CDH4: variants seen among roughly 807,000 people sequenced by gnomAD.
The protein encoded by CDH4 is cadherin-4.
Under a neutral mutation model 86.0 loss-of-function variants are expected in CDH4, and 33 were observed. That is an observed-to-expected ratio of 0.38 (90% CI 0.29 to 0.51). The LOEUF is 0.51. Ranked by LOEUF, CDH4 falls within the 20% of genes least tolerant of loss-of-function variation. The pLI, the probability that CDH4 is intolerant of heterozygous loss-of-function variation, is 0.86. For synonymous variants in CDH4, 555 were observed against 549.4 expected (o/e 1.01, Z -0.14); for missense variants, 1,114 against 1,307.4 (o/e 0.85, Z 2.28).
At chr20:61,284,374 G>A (rs142286884) in intron 2 of CDH4, among the ~76,000 whole-genome samples, 26 of 152,224 alleles carry the variant, frequency 1.7e-4, no homozygotes, top group Non-Finnish European at 3.4e-4. Context: ...TTGTGTTTGC[G>A]TTTTCTACTG....
At chr20:61,360,167 G>C (rs1250052481) in intron 2 of CDH4, among the ~76,000 whole-genome samples, 1 of 152,140 alleles carries the variant, frequency 6.6e-6, no homozygotes, top group African/African-American at 2.4e-5. Flanking sequence ...CAGGTTTGTC[G>C]GGCAGAGCCA....
intron 2 of CDH4, among the ~76,000 whole-genome samples, chr20:61,655,535 G>A (rs2087178110): frequency 6.6e-6 from 1 of 152,220 alleles, no homozygotes; most frequent in Non-Finnish European, 1.5e-5. Context: ...TCTCTCTCTG[G>A]GATGAAAGCC....
At chr20:61,823,895 A>G (rs894426994) in intron 4 of CDH4, among the ~76,000 whole-genome samples, 1 of 152,238 alleles carries the variant, frequency 6.6e-6, no homozygotes, top group African/African-American at 2.4e-5. Flanking sequence ...TAGTAAAACC[A>G]TGTAGTGGGG....
At chr20:61,750,058 CA>C (rs894983182) in intron 3 of CDH4, among the ~76,000 whole-genome samples, 8 of 148,536 alleles carry the variant, frequency 5.4e-5, no homozygotes, top group East Asian at 2.0e-4. Context: ...AAGACCCTAT[CA>C]AAAAAAAAGG....
At chr20:61,315,987 C>A (rs1384324537) in intron 2 of CDH4, among the ~76,000 whole-genome samples, 1 of 152,160 alleles carries the variant, frequency 6.6e-6, no homozygotes, top group East Asian at 1.9e-4. Context: ...AGGGAACAGG[C>A]GATTTCCACA....
intron 2 of CDH4, among the ~76,000 whole-genome samples, chr20:61,304,272 A>AC (rs2084402434): frequency 7.9e-6 from 1 of 126,006 alleles, no homozygotes; most frequent in African/African-American, 2.6e-5. Context: ...CACCCCCCCA[A>AC]CCCCCCGTTC....
In CDH4 at chr20:61,581,607, C is replaced by T. The variant is rs542685255; in HGVS notation, c.170-161956C>T. 1.5e-4 allele frequency among the ~76,000 whole-genome samples: 23 copies of T among 152,288 alleles called. No individual in the cohort carries two copies. The South Asian group carries it at 4.6e-3, about 30-fold the overall frequency. On this transcript the variant is annotated intron_variant, in intron 2 of 15. Coordinates refer to ENST00000614565, the MANE Select transcript of CDH4 (RefSeq NM_001794.5). ...TGTGTGCTCCGAAGTCACACCTCCT[C>T]CTCGGACCCGCCCTGCTTCCTCCCT...
At chr20:61,520,019 G>C (rs2085857219) in intron 2 of CDH4, among the ~76,000 whole-genome samples, 2 of 152,204 alleles carry the variant, frequency 1.3e-5, no homozygotes, top group African/African-American at 2.4e-5. Flanking sequence ...CTGACACACA[G>C]ACTTGCGTGT....
chr20:61,364,523 T>C (rs1482813529), intron 2 of CDH4, among the ~76,000 whole-genome samples: 2 of 152,218 alleles, frequency 1.3e-5, no homozygotes, highest in African/African-American at 4.8e-5. Context: ...TGGGCTTGTC[T>C]CTGTTCCGCA....
chr20:61,498,067 G>T (rs2085675068), intron 2 of CDH4, among the ~76,000 whole-genome samples: 1 of 113,360 alleles, frequency 8.8e-6, no homozygotes, highest in African/African-American at 3.8e-5. Context: ...TGGGGTGGGG[G>T]GAGGGGGGAG....
chr20:61,654,975 G>A (rs890690413), intron 2 of CDH4, among the ~76,000 whole-genome samples: 36 of 152,248 alleles, frequency 2.4e-4, no homozygotes, highest in Non-Finnish European at 4.4e-4. Context: ...ATGGAAACGC[G>A]TCTGCGGAGT....
intron 2 of CDH4, among the ~76,000 whole-genome samples, chr20:61,499,125 C>G (rs1362038506): frequency 6.6e-6 from 1 of 152,196 alleles, no homozygotes; most frequent in Admixed American, 6.5e-5. Flanking sequence ...ACACCCAGGT[C>G]CCTCCTGAGC....
At position 61,546,076 on chromosome 20, in the gene CDH4, T is replaced by TTGTGGGATACAGTGTG. The variant is rs1287581021; in HGVS notation, c.170-197484_170-197483insGGGATACAGTGTGTGT. On this transcript the variant is annotated intron_variant, in intron 2 of 15. Coordinates refer to ENST00000614565, the MANE Select transcript of CDH4 (RefSeq NM_001794.5). ...CTGTCTGTGCATGTGTGGAGGGGGT[T>TTGTGGGATACAGTGTG]TGTTCACACGTGTGTGTGTGGAGGG... 5.6e-3 allele frequency among the ~76,000 whole-genome samples: 49 copies of TTGTGGGATACAGTGTG among 8,688 alleles called. 9 individuals are homozygous for TTGTGGGATACAGTGTG. Among genetic ancestry groups the TTGTGGGATACAGTGTG allele is most frequent in the East Asian group, 9.3e-3 (2 of 214 alleles). 5.7% of individuals were successfully genotyped at this position (8,688 alleles called of 152,430 possible). A position where few individuals can be genotyped will look rare whatever the true frequency, so the allele number is the denominator to read the frequency against.
At chr20:61,634,363 G>A (rs1296738007) in intron 2 of CDH4, among the ~76,000 whole-genome samples, 1 of 152,188 alleles carries the variant, frequency 6.6e-6, no homozygotes, top group Admixed American at 6.5e-5. Context: ...CAGTCCCGTG[G>A]AGCTCGGGGT....
In CDH4 at chr20:61,618,207, C is replaced by T. The variant is rs147173416; in HGVS notation, c.170-125356C>T. On this transcript the variant is annotated intron_variant, in intron 2 of 15. Transcript: ENST00000614565. ...GAAGGCAACAAAGGCATGGGTGGCC[C>T]GGTTCTTGTTTTCCGGAGCCAGTTT... Among the ~76,000 whole-genome samples the T allele has an allele frequency of 6.1e-3, 922 of 152,068 alleles. 11 individuals are homozygous for T. Among genetic ancestry groups the T allele is most frequent in the African/African-American group, 0.021 (859 of 41,474 alleles).
At chr20:61,690,278 G>C (rs747265262) in intron 2 of CDH4, among the ~76,000 whole-genome samples, 1 of 152,188 alleles carries the variant, frequency 6.6e-6, no homozygotes, top group Non-Finnish European at 1.5e-5. Context: ...TCATCAGGCT[G>C]GGACCCTCTG....
chr20:61,488,579 C>CTT (rs2085608785), intron 2 of CDH4, among the ~76,000 whole-genome samples: 1 of 152,008 alleles, frequency 6.6e-6, no homozygotes. Context: ...AGTATGTACT[C>CTT]TATAAAAAAT....
intron 2 of CDH4, among the ~76,000 whole-genome samples, chr20:61,647,202 G>C (rs539016506): frequency 3.3e-5 from 5 of 152,134 alleles, no homozygotes; most frequent in African/African-American, 1.2e-4. Context: ...GTTCCCAGCA[G>C]CTCAGCCTTG....
At chr20:61,925,988 G>A (rs2055040700) in intron 11 of CDH4, among the ~76,000 whole-genome samples, 3 of 152,252 alleles carry the variant, frequency 2.0e-5, no homozygotes, top group Admixed American at 2.0e-4. Flanking sequence ...GGGTCTTCTA[G>A]ATGGACAGTG....
Sources: allele counts gnomAD v4.1 joint callset (sites outside exome capture counted in the v4.1 genomes callset), GRCh38; gene constraint gnomAD v4.1.1; transcripts MANE v1.5; gene names NCBI Gene and HGNC (gene_info 2026-07-23, HGNC 2026-07-21).